TEX11: variants seen among roughly 807,000 people sequenced by gnomAD.
TEX11 encodes the protein testis expressed 11, also known as testis-expressed protein 11.
Under a neutral mutation model 84.4 loss-of-function variants are expected in TEX11, and 7 were observed. The observed-to-expected ratio is 0.08, with a 90% CI of 0.05 to 0.16. The LOEUF (loss-of-function observed/expected upper bound fraction) is 0.16. Among genes scored for constraint, TEX11 ranks in the 10% least tolerant of loss-of-function variants. TEX11 has a pLI of 1.00. For missense variants in TEX11, 551 were observed against 660.5 expected (o/e 0.83, Z 1.82); for synonymous variants, 264 against 222.8 (o/e 1.18, Z -1.64).
the TEX11 span, among the ~76,000 whole-genome samples, chrX:70,513,454 G>A: frequency 9.5e-6 from 1 of 104,907 alleles, no homozygotes; most frequent in Non-Finnish European, 1.9e-5. Context: ...TATATATAAT[G>A]AAATGGCTGC....
chrX:70,830,331 A>G (rs1297911655), intron 8 of TEX11, among the ~76,000 whole-genome samples: 1 of 112,113 alleles, frequency 8.9e-6, no homozygotes, highest in Non-Finnish European at 1.9e-5. Context: ...AATTTTACAT[A>G]CACATGCACC....
chrX:70,869,942 T>C (rs1483513534), intron 4 of TEX11, among the ~76,000 whole-genome samples: 1 of 112,134 alleles, frequency 8.9e-6, no homozygotes, highest in Non-Finnish European at 1.9e-5. Context: ...TGAAACAGAA[T>C]GCTACTTCCA....
chrX:70,718,047 T>C (rs1459273143), intron 13 of TEX11, among the ~76,000 whole-genome samples: 1 of 111,911 alleles, frequency 8.9e-6, no homozygotes. Context: ...CATGGGCTGA[T>C]AGGGAAAAGT....
At chrX:70,695,864 A>G (rs2090275426) in intron 13 of TEX11, among the ~76,000 whole-genome samples, 1 of 112,055 alleles carries the variant, frequency 8.9e-6, no homozygotes, top group Non-Finnish European at 1.9e-5. Flanking sequence ...TAGAAAACAA[A>G]GAGTATGTTT....
chrX:70,881,632 G>A (rs1329411173), intron 2 of TEX11, among the ~76,000 whole-genome samples: 2 of 110,400 alleles, frequency 1.8e-5, no homozygotes, highest in Non-Finnish European at 3.8e-5. Context: ...TTGAGGTGAT[G>A]GATATCCTAT....
intron 12 of TEX11, among the ~76,000 whole-genome samples, chrX:70,722,953 C>T (rs2147720299): frequency 8.9e-6 from 1 of 111,811 alleles, no homozygotes; most frequent in South Asian, 3.7e-4. Context: ...ATACTATACG[C>T]TAAGAACACT....
intron 13 of TEX11, among the ~76,000 whole-genome samples, chrX:70,713,482 C>A (rs1175863079): frequency 1.8e-5 from 2 of 111,795 alleles, no homozygotes; most frequent in African/African-American, 6.5e-5. Flanking sequence ...TGTTATTGGT[C>A]TATTCAGAGA....
intron 9 of TEX11, among the ~76,000 whole-genome samples, chrX:70,745,234 T>C (rs1377612618): frequency 9.1e-6 from 1 of 110,168 alleles, no homozygotes; most frequent in Non-Finnish European, 1.9e-5. Context: ...AGTTCTCTGC[T>C]TTAATTATCA....
intron 25 of TEX11, among the ~76,000 whole-genome samples, chrX:70,576,052 T>G (rs1367789929): frequency 8.9e-6 from 1 of 112,158 alleles, no homozygotes; most frequent in Non-Finnish European, 1.9e-5. Flanking sequence ...CAATACATAG[T>G]AGTCCTTAGG....
chrX:70,893,830 T>C (rs2091752441), intron 2 of TEX11, among the ~76,000 whole-genome samples: 1 of 111,186 alleles, frequency 9.0e-6, no homozygotes, highest in South Asian at 3.8e-4. Flanking sequence ...GACCACTAGC[T>C]AGACTAATAA....
intron 8 of TEX11, among the ~76,000 whole-genome samples, chrX:70,808,352 A>T (rs959211930): frequency 1.4e-4 from 15 of 106,425 alleles, no homozygotes; most frequent in Non-Finnish European, 2.9e-4. Flanking sequence ...AAAATAGAAA[A>T]ATTAGTTGGG....
downstream of TEX11, among the ~76,000 whole-genome samples, chrX:70,527,024 A>G (rs1482238602): frequency 8.9e-6 from 1 of 112,169 alleles, no homozygotes; most frequent in East Asian, 2.8e-4. Flanking sequence ...TATTTTAAAA[A>G]CATGAATAAA....
intron 25 of TEX11, among the ~76,000 whole-genome samples, chrX:70,564,151 C>T (rs779398639): frequency 1.8e-5 from 2 of 111,963 alleles, no homozygotes; most frequent in Non-Finnish European, 3.8e-5. Flanking sequence ...ATCGCTGGAA[C>T]CTGGGAGGCA....
chrX:70,521,961 T>C, the TEX11 span, among the ~76,000 whole-genome samples: 1 of 110,549 alleles, frequency 9.0e-6, no homozygotes, highest in Non-Finnish European at 1.9e-5. Flanking sequence ...CAAGGTCAAG[T>C]GATCCTCCCA....
chrX:70,554,699 C>A lies in TEX11; in HGVS notation c.2242G>T (p.Val748Leu), dbSNP rs143644139. Residue 748 changes from valine (V) to leucine (L), a missense_variant, in exon 26 of 30, where the codon GTG becomes TTG. By Grantham distance (32) the Val-to-Leu change is conservative. Coordinates refer to ENST00000374333, the MANE Select transcript of TEX11 (RefSeq NM_031276.3). ...DPLLESFLES[V>L]WELPHLETKT... is the part of the protein sequence containing the mutation. ...GTTTCTAAATGAGGCAACTCCCACACTGATTCCAGGAAGCTTTCCAGTAAT... is the reference window on the plus strand; with the variant it reads ...GTTTCTAAATGAGGCAACTCCCACAATGATTCCAGGAAGCTTTCCAGTAAT... The A allele has an allele frequency of 4.1e-5, 49 of 1,207,625 alleles. No homozygotes were observed. In the East Asian group the frequency reaches 6.8e-4, roughly 17 times the overall value.
intron 13 of TEX11, among the ~76,000 whole-genome samples, chrX:70,703,692 T>G (rs1030139103): frequency 2.7e-5 from 3 of 112,061 alleles, no homozygotes; most frequent in African/African-American, 9.7e-5. Flanking sequence ...ATAGGTGATC[T>G]ACTACAGCTA....
rs758293211 is a variant in TEX11 at position 70,749,482 on chromosome X, G to A, written c.693-5263C>T. 5.5e-5 allele frequency among the ~76,000 whole-genome samples: 6 copies of A among 109,292 alleles called. No individual in the cohort carries two copies. The South Asian group carries it at 2.4e-3, about 45-fold the overall frequency. 94.9% of individuals were successfully genotyped at this position (109,292 alleles called of 115,157 possible). ...TGTTGAATAGGAGTGGTGAGAGAGG[G>A]CATCCCTGTCTTGTGCCAGTTTTCA... On this transcript the variant is annotated intron_variant, in intron 9 of 29. Transcript: ENST00000374333.
At chrX:70,634,114 C>T (rs1191649127) in intron 17 of TEX11, among the ~76,000 whole-genome samples, 3 of 111,107 alleles carry the variant, frequency 2.7e-5, no homozygotes, top group Non-Finnish European at 5.7e-5. Flanking sequence ...TTTTAAAATG[C>T]CATTTAAAAT....
intron 9 of TEX11, among the ~76,000 whole-genome samples, chrX:70,750,933 A>AATATATATATATATATATATATAT (rs1169707708): frequency 1.4e-4 from 4 of 28,182 alleles, no homozygotes; most frequent in Non-Finnish European, 2.8e-4. Flanking sequence ...AAAAAAAAAA[A>AATATATATATATATATATATATAT]ATATATATAT....
Sources: gnomAD v4.1 joint callset for allele counts (sites outside exome capture counted in the v4.1 genomes callset) on GRCh38, gnomAD v4.1.1 for gene constraint, MANE v1.5 for transcripts, NCBI Gene and HGNC (gene_info 2026-07-23, HGNC 2026-07-21) for gene names.